Variants in RNF19A observed in about 807,000 individuals in gnomAD.
RNF19A encodes the protein E3 ubiquitin-protein ligase RNF19A.
A neutral mutation model predicts 75.7 loss-of-function variants in RNF19A; 32 were observed. The observed-to-expected ratio is 0.42, with a 90% CI of 0.32 to 0.57. The LOEUF (loss-of-function observed/expected upper bound fraction) is 0.57, where lower values mean the gene tolerates loss of function less well. RNF19A is among the 20% of genes least tolerant of loss of function. RNF19A has a pLI of 0.10. For missense variants in RNF19A, 782 were observed against 1,036.3 expected (o/e 0.75, Z 3.37); for synonymous variants, 335 against 345.2 (o/e 0.97, Z 0.33).
At chr8:100,327,235 G>T in intron 1 of RNF19A, among the ~76,000 whole-genome samples, 1 of 141,638 alleles carries the variant, frequency 7.1e-6, no homozygotes, top group African/African-American at 2.6e-5. Flanking sequence ...ATAAAATTCA[G>T]CAATTACTTC....
chr8:100,309,974 C>T (rs1008417775), upstream of RNF19A: 7 of 985,248 alleles, frequency 7.1e-6, no homozygotes, highest in African/African-American at 1.7e-5. Context: ...CCCTCCGATG[C>T]GCCGAGGCGC....
intron 1 of RNF19A, among the ~76,000 whole-genome samples, chr8:100,305,955 G>A (rs1006010239): frequency 4.6e-5 from 7 of 152,070 alleles, no homozygotes; most frequent in Admixed American, 1.3e-4. Flanking sequence ...ATATTAATAC[G>A]TTATATAATA....
Position 100,287,395 on chromosome 8 carries a change from G to T in RNF19A, c.674+106C>A. ...ATGGTGTGCACTCAACATGTCTGTT[G>T]AATGAATTCTCCAGCATGTAAAAAT... On this transcript the variant is annotated intron_variant, in intron 2 of 9. Transcript: ENST00000341084. The surrounding 1 kb of genome is among the most constrained non-coding windows in gnomAD (Gnocchi z 4.1). 1.0e-6 allele frequency: 1 copy of T among 992,424 alleles called. No individual in the cohort carries two copies. Among genetic ancestry groups the T allele is most frequent in the Non-Finnish European group, 1.5e-6 (1 of 677,772 alleles). The allele number at this position is 992,424 out of a possible 1,614,324, so 61.5% of individuals were successfully genotyped here. A position where few individuals can be genotyped will look rare whatever the true frequency, so the allele number is the denominator to read the frequency against.
chr8:100,310,370 G>C, upstream of RNF19A: 5 of 424,542 alleles, frequency 1.2e-5, no homozygotes, highest in Non-Finnish European at 1.6e-5. Context: ...GAGCGCGCCG[G>C]GCAGTGGGGC....
Position 100,259,412 on chromosome 8 carries a change from CT to C in RNF19A, c.1827-167del, listed in dbSNP as rs1471658028. On this transcript the variant is annotated intron_variant, in intron 9 of 9. Transcript: ENST00000341084. The surrounding 1 kb of genome is among the most constrained non-coding windows in gnomAD (Gnocchi z 4.5). Reference sequence around the variant, plus strand: ...AAAACATACTTGATATAACAGAACTCTTTATAATGCTTCAATGTTTTAAAAT... The same window carrying C: ...AAAACATACTTGATATAACAGAACTCTTATAATGCTTCAATGTTTTAAAAT... 3.3e-6 allele frequency: 2 copies of C among 607,954 alleles called. No homozygotes were observed. The highest frequency in any genetic ancestry group is 3.7e-5 in the African/African-American group (2 of 54,008). The allele number at this position is 607,954 out of a possible 1,614,324, so 37.7% of individuals were successfully genotyped here. A position where few individuals can be genotyped will look rare whatever the true frequency, so the allele number is the denominator to read the frequency against.
At position 100,287,701 on chromosome 8, in the gene RNF19A, G is replaced by A; in HGVS notation, c.474C>T (p.Cys158=). Residue 158 remains cysteine, a synonymous_variant, in exon 2 of 10, where the codon TGC becomes TGT. Coordinates refer to ENST00000341084, the MANE Select transcript of RNF19A (RefSeq NM_183419.4). This position sits in a 1 kb window ranked among gnomAD's most constrained non-coding sequence, Gnocchi z 4.1. The stretch of plus-strand genomic sequence containing the variant: ...TTTCTATCCTTAAATATTGTCGTAA[G>A]CAATCCACACAAGATCTGTGATGAC... The part of the protein sequence containing the change: ...MTCHHRSCVD[C]LRQYLRIEIS... 1 of 1,613,902 alleles carries A rather than the reference G, an allele frequency of 6.2e-7. No individual in the cohort carries two copies. The highest frequency in any genetic ancestry group is 1.1e-5 in the South Asian group (1 of 91,082).
intron 1 of RNF19A, among the ~76,000 whole-genome samples, chr8:100,307,111 T>C (rs1053893280): frequency 1.4e-4 from 21 of 152,220 alleles, no homozygotes; most frequent in African/African-American, 4.8e-4. Context: ...GGCCTAATTT[T>C]TATCTTGGCA....
intron 3 of RNF19A, among the ~76,000 whole-genome samples, chr8:100,272,047 T>C (rs1820281195): frequency 6.6e-6 from 1 of 152,188 alleles, no homozygotes; most frequent in African/African-American, 2.4e-5. Context: ...CAAAACACCA[T>C]GTCCTCAAAT....
intron 1 of RNF19A, among the ~76,000 whole-genome samples, chr8:100,298,359 T>C (rs1821671005): frequency 6.6e-6 from 1 of 152,198 alleles, no homozygotes; most frequent in South Asian, 2.1e-4. Context: ...GTACAGCTAG[T>C]ACAAACCTAC....
upstream of RNF19A, among the ~76,000 whole-genome samples, chr8:100,311,456 C>T (rs1464830070): frequency 6.6e-6 from 1 of 152,130 alleles, no homozygotes; most frequent in Non-Finnish European, 1.5e-5. Flanking sequence ...TGGTGGCTCA[C>T]GCCTGTAATC....
chr8:100,270,197 T>C (rs1820188054), intron 3 of RNF19A, among the ~76,000 whole-genome samples, 184 bp from the exon 4 acceptor site: 1 of 152,094 alleles, frequency 6.6e-6, no homozygotes, highest in African/African-American at 2.4e-5. Flanking sequence ...ATACTTTACA[T>C]TAAAATATCA....
At chr8:100,300,515 T>C (rs909263321) in intron 1 of RNF19A, 2 of 152,064 alleles carry the variant, frequency 1.3e-5, no homozygotes, top group African/African-American at 2.4e-5. Context: ...TAGCTGGGTG[T>C]GGTGGTGCAC....
At chr8:100,270,579 T>C (rs1194427791) in intron 3 of RNF19A, among the ~76,000 whole-genome samples, 1 of 152,050 alleles carries the variant, frequency 6.6e-6, no homozygotes, top group Non-Finnish European at 1.5e-5. Context: ...AAAAGCAGCC[T>C]TTTCCCAGTA....
intron 1 of RNF19A, among the ~76,000 whole-genome samples, chr8:100,291,531 C>T (rs1821295151): frequency 6.6e-6 from 1 of 152,076 alleles, no homozygotes; most frequent in African/African-American, 2.4e-5. Context: ...TTATAATATC[C>T]CACCAATAAA....
intron 1 of RNF19A, among the ~76,000 whole-genome samples, chr8:100,304,594 T>C (rs2130194339): frequency 6.6e-6 from 1 of 152,332 alleles, no homozygotes; most frequent in Non-Finnish European, 1.5e-5. Flanking sequence ...AAAAGTCCCA[T>C]TTATTCCATA....
Position 100,324,164 on chromosome 8 carries a change from G to C in RNF19A, c.-242-10792C>G, listed in dbSNP as rs73282784. Among the ~76,000 whole-genome samples the C allele has an allele frequency of 6.6e-6, 1 of 152,168 alleles. No homozygotes were observed. Among genetic ancestry groups the C allele is most frequent in the African/African-American group, 2.4e-5 (1 of 41,434 alleles). On this transcript the variant is annotated intron_variant, in intron 1 of 3. Coordinates refer to the RNF19A transcript ENST00000519527. The surrounding 1 kb of genome is among the most constrained non-coding windows in gnomAD (Gnocchi z 4.2). Reference sequence around the variant, plus strand: ...TAATTTATTTTTTACAGCGGAGGAAGCCCAATCTAGATTTATAAAGTTAGT... The same window carrying C: ...TAATTTATTTTTTACAGCGGAGGAACCCCAATCTAGATTTATAAAGTTAGT...
rs567411240 is a variant in RNF19A, at chr8:100,332,001, TA to T, written c.-243+4106del. On this transcript the variant is annotated intron_variant, in intron 1 of 3. Coordinates refer to the RNF19A transcript ENST00000519527. This position sits in a 1 kb window ranked among gnomAD's most constrained non-coding sequence, Gnocchi z 4.8. ...ACAGATACACCATATATTAACTAAA[TA>T]ATTTCCTATTGGTATACCTTATGTT... Among the ~76,000 whole-genome samples, 4 of 152,210 alleles carry T rather than the reference TA, an allele frequency of 2.6e-5. No homozygotes were observed. Among genetic ancestry groups the T allele is most frequent in the Non-Finnish European group, 4.4e-5 (3 of 68,040 alleles).
At chr8:100,335,588 A>G (rs1822669015) in intron 1 of RNF19A, among the ~76,000 whole-genome samples, 1 of 152,250 alleles carries the variant, frequency 6.6e-6, no homozygotes, top group Non-Finnish European at 1.5e-5. Context: ...TCTACTGTAC[A>G]CATCACTGCT....
At chr8:100,308,961 T>C (rs1822174483) in intron 1 of RNF19A, among the ~76,000 whole-genome samples, 1 of 152,192 alleles carries the variant, frequency 6.6e-6, no homozygotes, top group Non-Finnish European at 1.5e-5. Flanking sequence ...AATTAAACGT[T>C]TCTCTCTCCC....
Sources: allele counts gnomAD v4.1 joint callset (sites outside exome capture counted in the v4.1 genomes callset), GRCh38; gene constraint gnomAD v4.1.1; non-coding constraint Gnocchi (gnomAD v3.1); transcripts MANE v1.5; gene names NCBI Gene and HGNC (gene_info 2026-07-23, HGNC 2026-07-21).